The following FARS2 variants were observed in gnomAD, a reference collection of about 807,000 sequenced individuals.
FARS2 encodes the protein phenylalanine--tRNA ligase, mitochondrial.
A neutral mutation model predicts 46.4 loss-of-function variants in FARS2; 40 were observed. The observed-to-expected ratio is 0.86, with a 90% CI of 0.67 to 1.12. The LOEUF is 1.12. Among genes scored for constraint, FARS2 ranks in the 50% most tolerant of loss-of-function variants. The probability of loss-of-function intolerance (pLI) is 0.00; values close to 1 mark genes in which losing one functional copy is unlikely to be tolerated. For synonymous variants in FARS2, 234 were observed against 214.9 expected (o/e 1.09, Z -0.78); for missense variants, 513 against 567.9 (o/e 0.90, Z 0.98).
At chr6:5,706,680 G>A (rs1209046586) in intron 6 of FARS2, among the ~76,000 whole-genome samples, 5 of 152,192 alleles carry the variant, frequency 3.3e-5, no homozygotes, top group Admixed American at 6.5e-5. Flanking sequence ...AGCCAGCTGC[G>A]AATCACTGGC....
At chr6:5,723,514 G>A (rs563111522) in intron 6 of FARS2, among the ~76,000 whole-genome samples, 4 of 152,224 alleles carry the variant, frequency 2.6e-5, no homozygotes, top group Admixed American at 6.5e-5. Context: ...TGAGAACATC[G>A]AACAGGACAA....
intron 6 of FARS2, among the ~76,000 whole-genome samples, chr6:5,671,308 C>T (rs953650630): frequency 3.9e-5 from 6 of 152,228 alleles, no homozygotes; most frequent in African/African-American, 1.4e-4. Context: ...TACTCCCACT[C>T]TGTCTCTGCT....
intron 6 of FARS2, among the ~76,000 whole-genome samples, chr6:5,719,634 T>G (rs57557966): frequency 0.025 from 3,845 of 152,070 alleles, 167 homozygotes; most frequent in African/African-American, 0.085. Flanking sequence ...CACACAAAGA[T>G]GAGCTTTATG....
chr6:5,497,882 T>C (rs1767564689), intron 4 of FARS2, among the ~76,000 whole-genome samples: 1 of 152,228 alleles, frequency 6.6e-6, no homozygotes, highest in Non-Finnish European at 1.5e-5. Context: ...CTGAAGGCAA[T>C]TAACTGTTTT....
intron 4 of FARS2, among the ~76,000 whole-genome samples, chr6:5,470,537 AG>A (rs1765754687): frequency 6.6e-6 from 1 of 152,220 alleles, no homozygotes; most frequent in South Asian, 2.1e-4. Flanking sequence ...AATGGAAAAA[AG>A]AATAAGAGTA....
At chr6:5,424,654 C>CG (rs1762748525) in intron 3 of FARS2, among the ~76,000 whole-genome samples, 2 of 152,146 alleles carry the variant, frequency 1.3e-5, no homozygotes, top group Admixed American at 1.3e-4. Flanking sequence ...CGTAAGGGTC[C>CG]AGGAGATTGG....
intron 4 of FARS2, among the ~76,000 whole-genome samples, chr6:5,475,651 C>T (rs1766078675): frequency 6.6e-6 from 1 of 152,168 alleles, no homozygotes; most frequent in African/African-American, 2.4e-5. Flanking sequence ...CTCTTTACTT[C>T]CCTCACTCCT....
intron 6 of FARS2, among the ~76,000 whole-genome samples, chr6:5,682,750 C>T (rs535566104): frequency 3.3e-5 from 5 of 152,286 alleles, no homozygotes; most frequent in East Asian, 1.9e-4. Flanking sequence ...CCAGGCATTG[C>T]GAAAGACAGA....
chr6:5,707,574 C>T (rs1758835955), intron 6 of FARS2, among the ~76,000 whole-genome samples: 1 of 152,228 alleles, frequency 6.6e-6, no homozygotes, highest in Non-Finnish European at 1.5e-5. Flanking sequence ...GGACTCCGGG[C>T]AGCATCAGGC....
At chr6:5,593,768 G>A (rs1479143935) in intron 5 of FARS2, among the ~76,000 whole-genome samples, 3 of 152,198 alleles carry the variant, frequency 2.0e-5, no homozygotes, top group Non-Finnish European at 4.4e-5. Flanking sequence ...AATTTTTTAT[G>A]GCATTTCGGG....
At chr6:5,602,022 T>C in intron 5 of FARS2, among the ~76,000 whole-genome samples, 1 of 152,086 alleles carries the variant, frequency 6.6e-6, no homozygotes, top group East Asian at 1.9e-4. Context: ...TTCCAAATAA[T>C]TTCTGAGCTG....
At chr6:5,766,678 GACATA>G (rs1339525043) in intron 6 of FARS2, among the ~76,000 whole-genome samples, 8 of 152,146 alleles carry the variant, frequency 5.3e-5, no homozygotes, top group Non-Finnish European at 1.2e-4. Context: ...AGGAAAAATT[GACATA>G]ACATTAACCA....
At chr6:5,467,360 AAGG>A (rs59515011) in intron 4 of FARS2, among the ~76,000 whole-genome samples, 5,467 of 152,244 alleles carry the variant, frequency 0.036, 304 homozygotes, top group African/African-American at 0.12. Flanking sequence ...TTTCATTTCT[AAGG>A]AGGTTCATGA....
At chr6:5,403,649 T>C (rs1470284882) in intron 2 of FARS2, among the ~76,000 whole-genome samples, 1 of 152,230 alleles carries the variant, frequency 6.6e-6, no homozygotes, top group Non-Finnish European at 1.5e-5. Context: ...TCAGGAAGTT[T>C]GGTTCTAATT....
intron 4 of FARS2, among the ~76,000 whole-genome samples, chr6:5,527,301 CTACAG>C (rs1017841423): frequency 6.6e-6 from 1 of 152,250 alleles, no homozygotes; most frequent in African/African-American, 2.4e-5. Flanking sequence ...GGCATATCTC[CTACAG>C]TCATAGTGTC....
intron 5 of FARS2, among the ~76,000 whole-genome samples, chr6:5,612,932 T>G (rs1483244866): frequency 1.3e-5 from 2 of 152,156 alleles, no homozygotes; most frequent in African/African-American, 4.8e-5. Flanking sequence ...GCAATATAAA[T>G]ATAATATATG....
intron 4 of FARS2, among the ~76,000 whole-genome samples, chr6:5,436,331 T>C (rs985168867): frequency 2.0e-5 from 3 of 152,164 alleles, no homozygotes; most frequent in African/African-American, 7.2e-5. Context: ...TGGTAGTTGA[T>C]CTCTATAGCC....
rs1778641364 is a variant in FARS2, at chr6:5,674,280, C to G, written c.1217+60960C>G. Among the ~76,000 whole-genome samples, 7 of 150,178 alleles carry G rather than the reference C, an allele frequency of 4.7e-5. No individual in the cohort carries two copies. In the South Asian group the frequency reaches 1.5e-3, roughly 32 times the overall value. ...AGAAATTGCCACATCTTGATAGATT[C>G]ACACCATTTATTTTCTTTGCCTGTA... On this transcript the variant is annotated intron_variant, in intron 6 of 6. Coordinates refer to ENST00000274680, the MANE Select transcript of FARS2 (RefSeq NM_006567.5).
intron 4 of FARS2, chr6:5,457,178 C>T (rs1389588413): frequency 6.6e-6 from 1 of 152,378 alleles, no homozygotes; most frequent in African/African-American, 2.4e-5. Flanking sequence ...CATCTGCAGG[C>T]CATTGTGTGT....
Sources: gnomAD v4.1 joint callset for allele counts (sites outside exome capture counted in the v4.1 genomes callset) on GRCh38, gnomAD v4.1.1 for gene constraint, MANE v1.5 for transcripts, NCBI Gene and HGNC (gene_info 2026-07-23, HGNC 2026-07-21) for gene names.